Variants in ITGA11 observed in about 807,000 individuals in gnomAD.
ITGA11 encodes integrin subunit alpha 11.
ITGA11 carries 97 observed loss-of-function variants against 141.9 expected under a neutral mutation model. The observed-to-expected ratio is 0.68, with a 90% CI of 0.58 to 0.81. The LOEUF is 0.81. ITGA11 is among the 30% of genes least tolerant of loss of function. The probability of loss-of-function intolerance (pLI) is 0.00; values close to 1 mark genes in which losing one functional copy is unlikely to be tolerated. For missense variants in ITGA11, 1,387 were observed against 1,559.2 expected, an observed-to-expected ratio of 0.89 and a Z score of 1.86; for synonymous variants, 658 against 624.6, an observed-to-expected ratio of 1.05 and a Z score of -0.80.
intron 1 of ITGA11, among the ~76,000 whole-genome samples, chr15:68,407,991 C>T (rs1286919902): frequency 6.6e-6 from 1 of 152,230 alleles, no homozygotes; most frequent in East Asian, 1.9e-4. Flanking sequence ...CCCTGCCTCT[C>T]CTCCTCCTCC....
In ITGA11 at chr15:68,304,457, C is replaced by A. The variant is rs1893125726; in HGVS notation, c.3382-572G>T. ...ATCTTTGTATCAACATGGTTATAAACCATAATTTTAAATACTTTTTTCCTA... is the reference window on the plus strand; with the variant it reads ...ATCTTTGTATCAACATGGTTATAAAACATAATTTTAAATACTTTTTTCCTA... On this transcript the variant is annotated intron_variant, in intron 28 of 29. Coordinates refer to ENST00000315757, the MANE Select transcript of ITGA11 (RefSeq NM_001004439.2). The surrounding 1 kb of genome is among the most constrained non-coding windows in gnomAD (Gnocchi z 6.1). Among the ~76,000 whole-genome samples, 1 of 152,178 alleles carries A rather than the reference C, an allele frequency of 6.6e-6. No individual in the cohort carries two copies. The highest frequency in any genetic ancestry group is 1.5e-5 in the Non-Finnish European group (1 of 68,030).
At chr15:68,415,852 AAG>A (rs1242374248) in intron 1 of ITGA11, among the ~76,000 whole-genome samples, 2 of 152,200 alleles carry the variant, frequency 1.3e-5, no homozygotes, top group African/African-American at 2.4e-5. Flanking sequence ...GATGCTCAGA[AAG>A]AGTGAAGCAG....
At chr15:68,366,385 G>A (rs1457289762) in intron 3 of ITGA11, among the ~76,000 whole-genome samples, 1 of 152,104 alleles carries the variant, frequency 6.6e-6, no homozygotes, top group Non-Finnish European at 1.5e-5. Context: ...CTTTAGCCCA[G>A]ACCGTGTGAC....
intron 11 of ITGA11, among the ~76,000 whole-genome samples, chr15:68,337,633 T>C (rs992651011): frequency 6.6e-6 from 1 of 152,066 alleles, no homozygotes. Flanking sequence ...CTCTACCCTA[T>C]CAGGGTCTTC....
chr15:68,427,085 C>A, intron 1 of ITGA11, among the ~76,000 whole-genome samples: 1 of 144,884 alleles, frequency 6.9e-6, no homozygotes, highest in African/African-American at 2.5e-5. Context: ...ATGCCTCTTA[C>A]TCTATCGACA....
In ITGA11 at chr15:68,308,070, C is replaced by G. The variant is rs1295248721; in HGVS notation, c.3175-374G>C. On this transcript the variant is annotated intron_variant, in intron 26 of 29. Coordinates refer to ENST00000315757, the MANE Select transcript of ITGA11 (RefSeq NM_001004439.2). This position sits in a 1 kb window ranked among gnomAD's most constrained non-coding sequence, Gnocchi z 5.2. ...AAAAGTATTTTAGGAAGTCCAACTT[C>G]TGTTCATGATAAAAACTCCCAGGGA... Among the ~76,000 whole-genome samples the G allele has an allele frequency of 1.3e-5, 2 of 152,208 alleles. No homozygotes were observed. Among genetic ancestry groups the G allele is most frequent in the East Asian group, 3.8e-4 (2 of 5,204 alleles).
Position 68,422,798 on chromosome 15 carries a change from T to C in ITGA11, c.52+9217A>G, listed in dbSNP as rs911209085. On this transcript the variant is annotated intron_variant, in intron 1 of 29. Transcript: ENST00000315757. ...CTCTTGCTGCCAGACCCAGTCCTTC[T>C]TGCATTTACAAATAATCTCTCTCCC... Among the ~76,000 whole-genome samples the C allele has an allele frequency of 3.9e-5, 6 of 152,196 alleles. No individual in the cohort carries two copies. In the South Asian group the frequency reaches 6.2e-4, roughly 16 times the overall value.
intron 21 of ITGA11, 69 bp downstream of exon 21, chr15:68,317,196 C>A: frequency 9.1e-7 from 1 of 1,103,200 alleles, no homozygotes; most frequent in South Asian, 1.2e-5. Flanking sequence ...GCTCTTGCCG[C>A]CCTCCCCAAA....
In ITGA11 at chr15:68,376,326, C is replaced by G. The variant is rs28461989; in HGVS notation, c.165-7042G>C. Among the ~76,000 whole-genome samples, 161 of 152,236 alleles carry G rather than the reference C, an allele frequency of 1.1e-3. 1 individual carries two copies. The highest frequency in any genetic ancestry group is 6.8e-3 in the Middle Eastern group (2 of 294). ...CTTCAAGGCCAGCTCCCCAAAGCGGCCTTTCCTGAAGACCTGTCACCCCCT... is the reference window on the plus strand; with the variant it reads ...CTTCAAGGCCAGCTCCCCAAAGCGGGCTTTCCTGAAGACCTGTCACCCCCT... On this transcript the variant is annotated intron_variant, in intron 2 of 29. Coordinates refer to ENST00000315757, the MANE Select transcript of ITGA11 (RefSeq NM_001004439.2).
intron 1 of ITGA11, among the ~76,000 whole-genome samples, chr15:68,431,582 A>G (rs1034288546): frequency 2.0e-5 from 3 of 152,126 alleles, no homozygotes; most frequent in Non-Finnish European, 4.4e-5. Flanking sequence ...CCCCGGAGCC[A>G]GGCAGGAGGG....
At chr15:68,358,268 C>G (rs1436405927) in intron 6 of ITGA11, among the ~76,000 whole-genome samples, 190 bp downstream of exon 6, 2 of 152,200 alleles carry the variant, frequency 1.3e-5, no homozygotes, top group Admixed American at 6.5e-5. Flanking sequence ...CCCAAAATGT[C>G]ATTTGATGTG....
chr15:68,369,672 A>C (rs1368130948), intron 2 of ITGA11, among the ~76,000 whole-genome samples: 7 of 152,224 alleles, frequency 4.6e-5, no homozygotes, highest in Non-Finnish European at 7.3e-5. Flanking sequence ...CTGACAAAGG[A>C]ATGATGTTTC....
chr15:68,344,343 TC>T (rs1894672794), intron 10 of ITGA11, among the ~76,000 whole-genome samples: 1 of 152,148 alleles, frequency 6.6e-6, no homozygotes, highest in African/African-American at 2.4e-5. Context: ...TTCACCATTA[TC>T]CATCAGCTTC....
Position 68,382,553 on chromosome 15 carries a change from C to A in ITGA11, c.165-13269G>T, listed in dbSNP as rs1274467915. Among the ~76,000 whole-genome samples, 4 of 152,356 alleles carry A rather than the reference C, an allele frequency of 2.6e-5. No homozygotes were observed. In the East Asian group the frequency reaches 7.7e-4, roughly 29 times the overall value. On this transcript the variant is annotated intron_variant, in intron 2 of 29. Transcript: ENST00000315757. Reference sequence around the variant, plus strand: ...GACGTCTGGAACCATTCTCTCCCTCCCTTTCTTCTTCACCATCTGTGGGCC... The same window carrying A: ...GACGTCTGGAACCATTCTCTCCCTCACTTTCTTCTTCACCATCTGTGGGCC...
intron 2 of ITGA11, among the ~76,000 whole-genome samples, chr15:68,374,131 C>A (rs1296014443): frequency 6.6e-6 from 1 of 152,216 alleles, no homozygotes; most frequent in Non-Finnish European, 1.5e-5. Flanking sequence ...GAGGGAGAAG[C>A]AGATTCATAT....
At chr15:68,348,969 C>T in intron 9 of ITGA11, 69 bp from the exon 10 acceptor site, 2 of 1,341,256 alleles carry the variant, frequency 1.5e-6, no homozygotes, top group Non-Finnish European at 2.1e-6. Context: ...ATCTGCTGCC[C>T]AACCCACAGC....
At chr15:68,363,313 C>T (rs1461286150) in intron 4 of ITGA11, among the ~76,000 whole-genome samples, 1 of 152,142 alleles carries the variant, frequency 6.6e-6, no homozygotes, top group Non-Finnish European at 1.5e-5. Flanking sequence ...CTTCATACCA[C>T]CTTGTGAAGA....
chr15:68,344,924 C>T (rs983899928), intron 10 of ITGA11, among the ~76,000 whole-genome samples: 4 of 152,118 alleles, frequency 2.6e-5, no homozygotes, highest in Non-Finnish European at 4.4e-5. Flanking sequence ...TGTAGGAAGG[C>T]GGATGCGAAA....
intron 1 of ITGA11, among the ~76,000 whole-genome samples, chr15:68,405,158 C>T (rs1039368618): frequency 1.3e-4 from 1 of 7,816 alleles, no homozygotes; most frequent in African/African-American, 5.1e-4. Context: ...CCACTGTCTC[C>T]CTTTTTTTTT....
Sources: allele counts gnomAD v4.1 joint callset (sites outside exome capture counted in the v4.1 genomes callset), GRCh38; gene constraint gnomAD v4.1.1; non-coding constraint Gnocchi (gnomAD v3.1); transcripts MANE v1.5; gene names NCBI Gene and HGNC (gene_info 2026-07-23, HGNC 2026-07-21).